IL7: variants seen among roughly 807,000 people sequenced by gnomAD.
The protein encoded by IL7 is interleukin-7.
A neutral mutation model predicts 21.6 loss-of-function variants in IL7; 3 were observed. The observed-to-expected ratio is 0.14, with a 90% confidence interval of 0.06 to 0.36. IL7 has a LOEUF of 0.36. Ranked by LOEUF, IL7 falls within the 10% of genes least tolerant of loss-of-function variation. IL7 has a pLI of 1.00. For missense variants in IL7, 175 were observed against 200.2 expected (o/e 0.87, Z 0.76); for synonymous variants, 62 against 68.1 (o/e 0.91, Z 0.44).
chr8:78,742,321 C>T (rs1471948278), intron 2 of IL7, among the ~76,000 whole-genome samples: 1 of 151,780 alleles, frequency 6.6e-6, no homozygotes, highest in Non-Finnish European at 1.5e-5. Context: ...AAGACTCTGT[C>T]TCAGAAAAAA....
At chr8:78,785,332 C>T (rs1813473046) in intron 2 of IL7, among the ~76,000 whole-genome samples, 1 of 152,134 alleles carries the variant, frequency 6.6e-6, no homozygotes, top group South Asian at 2.1e-4. Flanking sequence ...GGATCACTAT[C>T]ATCTCTTCTT....
At chr8:78,751,463 G>C (rs1311138472) in intron 2 of IL7, among the ~76,000 whole-genome samples, 3 of 152,138 alleles carry the variant, frequency 2.0e-5, no homozygotes, top group South Asian at 2.1e-4. Flanking sequence ...GAGAGAATTT[G>C]TTACAAGTAA....
At chr8:78,728,464 G>T (rs573666525), downstream of IL7, among the ~76,000 whole-genome samples, 1 of 151,972 alleles carries the variant, frequency 6.6e-6, no homozygotes, top group African/African-American at 2.4e-5. Flanking sequence ...CCATAAATAT[G>T]CACACATAAA....
intron 3 of IL7, chr8:78,689,511 A>C: frequency 1.3e-6 from 1 of 752,072 alleles, no homozygotes; most frequent in Non-Finnish European, 1.9e-6. Flanking sequence ...TATATCTATA[A>C]AAGTTGTATG....
At chr8:78,797,957 A>T (rs955149094) in intron 2 of IL7, 115 bp downstream of exon 2, 8 of 714,478 alleles carry the variant, frequency 1.1e-5, no homozygotes, top group Non-Finnish European at 1.6e-5. Context: ...TTTATTCTAT[A>T]GTTACTTCAC....
intron 2 of IL7, among the ~76,000 whole-genome samples, chr8:78,773,637 C>G (rs528608681): frequency 1.8e-4 from 27 of 152,190 alleles, no homozygotes; most frequent in African/African-American, 5.5e-4. Context: ...TCTCCAATGC[C>G]CACATAAGGA....
intron 3 of IL7, among the ~76,000 whole-genome samples, chr8:78,710,002 C>T (rs765799487): frequency 2.1e-4 from 32 of 152,106 alleles, no homozygotes; most frequent in Admixed American, 9.8e-4. Flanking sequence ...TTACTTATTT[C>T]GTAAGTGAAT....
chr8:78,689,084 G>T (rs1214489790), intron 3 of IL7: 7 of 494,292 alleles, frequency 1.4e-5, no homozygotes, highest in Non-Finnish European at 2.2e-5. Flanking sequence ...AAACTGGGTA[G>T]TTATAAGGAT....
Sources: gnomAD v4.1 joint callset for allele counts (sites outside exome capture counted in the v4.1 genomes callset) on GRCh38, gnomAD v4.1.1 for gene constraint, MANE v1.5 for transcripts, NCBI Gene and HGNC (gene_info 2026-07-23, HGNC 2026-07-21) for gene names.